DTX1: variants seen among roughly 807,000 people sequenced by gnomAD.
DTX1 encodes E3 ubiquitin-protein ligase DTX1.
A neutral mutation model predicts 57.8 loss-of-function variants in DTX1; 26 were observed. The ratio of observed to expected loss-of-function variants is 0.45; its 90% CI spans 0.33 to 0.62. The LOEUF is 0.62. Ranked by LOEUF, DTX1 falls within the 20% of genes least tolerant of loss-of-function variation. DTX1 has a pLI of 0.02. For missense variants in DTX1, 704 were observed against 895.3 expected (o/e 0.79, Z 2.73); for synonymous variants, 398 against 394.1 (o/e 1.01, Z -0.12).
In DTX1 at chr12:113,097,214, C is replaced by T; in HGVS notation, c.*275C>T. On this transcript the variant is annotated 3_prime_UTR_variant, in exon 10 of 10. Coordinates refer to ENST00000548759, the MANE Select transcript of DTX1 (RefSeq NM_004416.3). ...ACCCGCCCCCTCACACACAAACACA[C>T]ATGTCCTGTTGAACTCATGCACGCA... The T allele has an allele frequency of 2.1e-6, 1 of 470,550 alleles. No individual in the cohort carries two copies. Among genetic ancestry groups the T allele is most frequent in the East Asian group, 3.8e-5 (1 of 26,118 alleles). 29.1% of individuals were successfully genotyped at this position (470,550 alleles called of 1,614,324 possible). A position where few individuals can be genotyped will look rare whatever the true frequency, so the allele number is the denominator to read the frequency against.
Position 113,093,310 on chromosome 12 carries a change from G to A in DTX1, c.1003+87G>A, listed in dbSNP as rs542617461. 7.4e-5 allele frequency: 109 copies of A among 1,467,508 alleles called. No homozygotes were observed. The highest frequency in any genetic ancestry group is 9.2e-5 in the Non-Finnish European group (100 of 1,081,214). 90.9% of individuals were successfully genotyped at this position (1,467,508 alleles called of 1,614,324 possible). On this transcript the variant is annotated intron_variant, in intron 4 of 9. Coordinates refer to ENST00000548759, the MANE Select transcript of DTX1 (RefSeq NM_004416.3). The surrounding 1 kb of genome is among the most constrained non-coding windows in gnomAD (Gnocchi z 4.2). ...CACCCGGTGACCCCGCCCCCGAGAT[G>A]GGCTGGTGAGCGTGGCCCGGAGGAA...
chr12:113,058,454 G>A lies in DTX1; in HGVS notation c.259+3G>A. The A allele has an allele frequency of 1.3e-6, 2 of 1,592,678 alleles. No homozygotes were observed. The highest frequency in any genetic ancestry group is 1.7e-6 in the Non-Finnish European group (2 of 1,174,122). ...GCACCAGTTTCGCCAGGACACAGGTGAGCAGACACCCACCCCATGCCACCC... is the reference window on the plus strand; with the variant it reads ...GCACCAGTTTCGCCAGGACACAGGTAAGCAGACACCCACCCCATGCCACCC... On this transcript the variant is annotated splice_donor_region_variant and intron_variant, in intron 2 of 9. Transcript: ENST00000548759.
chr12:113,095,372 C>G lies in DTX1; in HGVS notation c.1596C>G (p.Phe532Leu). 6.2e-7 allele frequency: 1 copy of G among 1,614,238 alleles called. No homozygotes were observed. Among genetic ancestry groups the G allele is most frequent in the Non-Finnish European group, 8.5e-7 (1 of 1,180,038 alleles). Reference protein sequence around the residue: ...NPGKKFTARGFPRHCYLPNNE... With the variant: ...NPGKKFTARGLPRHCYLPNNE... ...GGAAGAAGTTCACCGCAAGAGGATT[C>G]CCTCGCCACTGCTATCTACCCAACA... Residue 532 changes from phenylalanine (F) to leucine (L), a missense_variant, in exon 9 of 10, where the codon TTC becomes TTG. Physicochemically the swap from Phe to Leu is conservative, Grantham distance 22. Coordinates refer to ENST00000548759, the MANE Select transcript of DTX1 (RefSeq NM_004416.3).
intron 3 of DTX1, among the ~76,000 whole-genome samples, chr12:113,081,438 G>T (rs1257741242): frequency 1.3e-5 from 2 of 152,218 alleles, no homozygotes; most frequent in African/African-American, 4.8e-5. Context: ...TGCTGTGGGT[G>T]TGTATTCACA....
intron 9 of DTX1, among the ~76,000 whole-genome samples, chr12:113,096,053 A>G (rs1180973044): frequency 6.6e-6 from 1 of 152,076 alleles, no homozygotes. Flanking sequence ...TAAAAATACA[A>G]AAATTATCCG....
chr12:113,077,872 G>C lies in DTX1; in HGVS notation c.708G>C (p.Pro236=). 7.7e-7 allele frequency: 1 copy of C among 1,302,584 alleles called. No individual in the cohort carries two copies. The highest frequency in any genetic ancestry group is 9.7e-7 in the Non-Finnish European group (1 of 1,035,350). 80.7% of individuals were successfully genotyped at this position (1,302,584 alleles called of 1,614,324 possible). The stretch of plus-strand genomic sequence containing the variant: ...CCGCGCCCCCGCTGCCGCCGCCGCC[G>C]CCACCTGGAGGGCCTCCAGGCGCGC... ...APPAPPLPPP[P]PPGGPPGALA... The change falls in exon 3 of 10, where the codon CCG becomes CCC. Residue 236 remains proline (P), a synonymous_variant. Transcript: ENST00000548759. This position sits in a 1 kb window ranked among gnomAD's most constrained non-coding sequence, Gnocchi z 7.8.
rs754242357 is a variant in DTX1 at position 113,095,104 on chromosome 12, G to A, written c.1449G>A (p.Pro483=). ...ACGGGGAGAAGACGGGTACGCAGCC[G>A]CCTGGGAAGATGGAGTTCCACCTCA... ...AIYGEKTGTQ[P]PGKMEFHLIP... The change falls in exon 8 of 10, where the codon CCG becomes CCA. Residue 483 remains proline, a synonymous_variant. Coordinates refer to ENST00000548759, the MANE Select transcript of DTX1 (RefSeq NM_004416.3). The A allele has an allele frequency of 1.9e-6, 3 of 1,613,696 alleles. No homozygotes were observed. Among genetic ancestry groups the A allele is most frequent in the Non-Finnish European group, 1.7e-6 (2 of 1,179,782 alleles).
chr12:113,088,527 G>A (rs567816410), intron 3 of DTX1, among the ~76,000 whole-genome samples: 5 of 152,338 alleles, frequency 3.3e-5, no homozygotes, highest in Middle Eastern at 3.4e-3. Flanking sequence ...GTTAATGGGC[G>A]CAGCACACCA....
chr12:113,077,635 G>A lies in DTX1; in HGVS notation c.471G>A (p.Ser157=), dbSNP rs917690552. Residue 157 remains serine, a synonymous_variant, in exon 3 of 10, where the codon TCG becomes TCA. Coordinates refer to ENST00000548759, the MANE Select transcript of DTX1 (RefSeq NM_004416.3). This position sits in a 1 kb window ranked among gnomAD's most constrained non-coding sequence, Gnocchi z 7.8. Reference sequence around the variant, plus strand: ...ACCTCATCTACTTCAACAGCATGTCGCAGATGAACCGCCAGACGCGCCGGC... The same window carrying A: ...ACCTCATCTACTTCAACAGCATGTCACAGATGAACCGCCAGACGCGCCGGC... ...FCYLIYFNSM[S]QMNRQTRRRR... 1.2e-6 allele frequency: 2 copies of A among 1,609,988 alleles called. No individual in the cohort carries two copies. Among genetic ancestry groups the A allele is most frequent in the Admixed American group, 1.7e-5 (1 of 59,690 alleles).
intron 3 of DTX1, among the ~76,000 whole-genome samples, chr12:113,087,872 C>A (rs1466325): frequency 3.3e-5 from 5 of 151,924 alleles, no homozygotes; most frequent in South Asian, 2.1e-4. Flanking sequence ...CTTGGCTGCC[C>A]TAAAGGGAGG....
chr12:113,085,929 T>A (rs1284977228), intron 3 of DTX1, among the ~76,000 whole-genome samples: 1 of 152,128 alleles, frequency 6.6e-6, no homozygotes, highest in Non-Finnish European at 1.5e-5. Context: ...AAAGGCCTCA[T>A]GGAGAAGGTA....
rs767767534 is a variant in DTX1 at position 113,077,859 on chromosome 12, T to TGCCGCC, written c.705_710dup (p.Pro237_Pro238dup). 1 of 1,314,552 alleles carries TGCCGCC rather than the reference T, an allele frequency of 7.6e-7. No homozygotes were observed. The highest frequency in any genetic ancestry group is 9.6e-7 in the Non-Finnish European group (1 of 1,042,174). 81.4% of individuals were successfully genotyped at this position (1,314,552 alleles called of 1,614,324 possible). A position where few individuals can be genotyped will look rare whatever the true frequency, so the allele number is the denominator to read the frequency against. On this transcript the variant is annotated inframe_insertion, in exon 3 of 10. Coordinates refer to ENST00000548759, the MANE Select transcript of DTX1 (RefSeq NM_004416.3). The surrounding 1 kb of genome is among the most constrained non-coding windows in gnomAD (Gnocchi z 7.8). ...CGCAAGGCGCCCCCCGCGCCCCCGC[T>TGCCGCC]GCCGCCGCCGCCGCCACCTGGAGGG...
At chr12:113,094,254 T>C (rs1950269318) in intron 6 of DTX1, among the ~76,000 whole-genome samples, 155 bp downstream of exon 6, 1 of 152,256 alleles carries the variant, frequency 6.6e-6, no homozygotes, top group African/African-American at 2.4e-5. Flanking sequence ...TACTTACGTT[T>C]AATAGACTCA....
chr12:113,078,201 C>CAAT lies in DTX1; in HGVS notation c.941+106_941+108dup, dbSNP rs1386943025. 3.2e-6 allele frequency: 3 copies of CAAT among 946,722 alleles called. No individual in the cohort carries two copies. The African/African-American group carries it at 5.3e-5, about 17-fold the overall frequency. The allele number at this position is 946,722 out of a possible 1,614,324, so 58.6% of individuals were successfully genotyped here. ...GCCACTAGGGCAGGAGCAAAGATTA[C>CAAT]AATAATAATAATGACGATAAGTAAT... On this transcript the variant is annotated intron_variant, in intron 3 of 9. Transcript: ENST00000548759.
At chr12:113,087,651 TC>T (rs1185176993) in intron 3 of DTX1, among the ~76,000 whole-genome samples, 1 of 152,128 alleles carries the variant, frequency 6.6e-6, no homozygotes, top group Non-Finnish European at 1.5e-5. Flanking sequence ...CATCCTCACT[TC>T]TGCCCCCTCC....
In DTX1 at chr12:113,058,408, C is replaced by T. The variant is rs1217590468; in HGVS notation, c.216C>T (p.Tyr72=). ...LGQVDAQLVP[Y]IIDLQSMHQF... ...AGGTGGACGCCCAGCTTGTGCCCTA[C>T]ATCATCGACCTGCAGTCCATGCACC... Residue 72 remains tyrosine (Y), a synonymous_variant, in exon 2 of 10, where the codon TAC becomes TAT. Coordinates refer to ENST00000548759, the MANE Select transcript of DTX1 (RefSeq NM_004416.3). 1.2e-6 allele frequency: 2 copies of T among 1,607,132 alleles called. No homozygotes were observed. The highest frequency in any genetic ancestry group is 1.7e-4 in the Middle Eastern group (1 of 5,928).
Position 113,077,369 on chromosome 12 carries a change from A to C in DTX1, c.260-55A>C. 4 of 1,451,114 alleles carry C rather than the reference A, an allele frequency of 2.8e-6. No homozygotes were observed. The highest frequency in any genetic ancestry group is 2.0e-5 in the Admixed American group (1 of 49,434). The allele number at this position is 1,451,114 out of a possible 1,614,324, so 89.9% of individuals were successfully genotyped here. ...TTGCCTGGCTGTGGCCCGCCCTTCC[A>C]GCCGCGCAGACCAACGCCCGCTGTG... On this transcript the variant is annotated intron_variant, in intron 2 of 9. Transcript: ENST00000548759. This position sits in a 1 kb window ranked among gnomAD's most constrained non-coding sequence, Gnocchi z 7.8.
rs1003028719 is a variant in DTX1 at position 113,097,299 on chromosome 12, C to T, written c.*360C>T. 10 of 235,198 alleles carry T rather than the reference C, an allele frequency of 4.3e-5. No homozygotes were observed. Among genetic ancestry groups the T allele is most frequent in the Middle Eastern group, 1.4e-3 (1 of 694 alleles). 14.6% of individuals were successfully genotyped at this position (235,198 alleles called of 1,614,324 possible). A position where few individuals can be genotyped will look rare whatever the true frequency, so the allele number is the denominator to read the frequency against. On this transcript the variant is annotated 3_prime_UTR_variant, in exon 10 of 10. Transcript: ENST00000548759. Reference sequence around the variant, plus strand: ...GAGAAGAGACAGAAAGACCCCATGACCCCCCCATGTGGATCCCCATCTGTG... The same window carrying T: ...GAGAAGAGACAGAAAGACCCCATGATCCCCCCATGTGGATCCCCATCTGTG...
At chr12:113,081,378 G>A (rs963259653) in intron 3 of DTX1, among the ~76,000 whole-genome samples, 1 of 152,164 alleles carries the variant, frequency 6.6e-6, no homozygotes, top group African/African-American at 2.4e-5. Context: ...TTCTAGAGGA[G>A]GCTGAAAATT....
Sources: allele counts gnomAD v4.1 joint callset (sites outside exome capture counted in the v4.1 genomes callset), GRCh38; gene constraint gnomAD v4.1.1; non-coding constraint Gnocchi (gnomAD v3.1); transcripts MANE v1.5; gene names NCBI Gene and HGNC (gene_info 2026-07-23, HGNC 2026-07-21).